Variants in TBCK observed in about 807,000 individuals in gnomAD.
TBCK encodes the protein TBC domain-containing protein kinase-like protein.
TBCK carries 99 observed loss-of-function variants against 113.4 expected under a neutral mutation model. The ratio of observed to expected loss-of-function variants is 0.87; its 90% confidence interval spans 0.74 to 1.03. The LOEUF (loss-of-function observed/expected upper bound fraction) is 1.03, where lower values mean the gene tolerates loss of function less well. Ranked by LOEUF, TBCK falls within the 50% of genes least tolerant of loss-of-function variation. The probability of loss-of-function intolerance (pLI) is 0.00; values close to 1 mark genes in which losing one functional copy is unlikely to be tolerated. For synonymous variants in TBCK, 369 were observed against 370.8 expected, an observed-to-expected ratio of 1.00 and a Z score of 0.05; for missense variants, 1,045 against 1,061.3, an observed-to-expected ratio of 0.98 and a Z score of 0.21.
intron 23 of TBCK, among the ~76,000 whole-genome samples, chr4:106,150,677 C>T (rs1748372457): frequency 6.6e-6 from 1 of 151,998 alleles, no homozygotes; most frequent in Non-Finnish European, 1.5e-5. Context: ...GAACAAGATC[C>T]AATCTCTCCC....
chr4:106,144,116 A>T (rs1052922880), intron 23 of TBCK, among the ~76,000 whole-genome samples: 2 of 152,172 alleles, frequency 1.3e-5, no homozygotes, highest in Non-Finnish European at 2.9e-5. Flanking sequence ...GATTTCAGAC[A>T]ACTATTGACT....
At chr4:106,133,553 T>C (rs1746207975) in intron 23 of TBCK, among the ~76,000 whole-genome samples, 1 of 152,138 alleles carries the variant, frequency 6.6e-6, no homozygotes, top group African/African-American at 2.4e-5. Context: ...ACACAAAAGA[T>C]AACATACACA....
At chr4:106,309,816 C>T (rs1485973322) in intron 1 of TBCK, 1 of 152,156 alleles carries the variant, frequency 6.6e-6, no homozygotes, top group Non-Finnish European at 1.5e-5. Flanking sequence ...AGATATTTTA[C>T]ATAATGTATG....
Position 106,212,814 on chromosome 4 carries a change from T to C in TBCK, c.1796A>G (p.Gln599Arg), listed in dbSNP as rs757565417. The C allele has an allele frequency of 3.7e-6, 6 of 1,612,462 alleles. No individual in the cohort carries two copies. Among genetic ancestry groups the C allele is most frequent in the Middle Eastern group, 1.6e-4 (1 of 6,072 alleles). ...VIQEYLTVFS[Q>R]MIAFHDPELS... is the part of the protein sequence containing the mutation. Reference sequence around the variant, plus strand: ...CTCTGGATCATGAAATGCAATCATCTGAGAGAAGACAGTCAGATACTCTGA... The same window carrying C: ...CTCTGGATCATGAAATGCAATCATCCGAGAGAAGACAGTCAGATACTCTGA... The change falls in exon 20 of 26, where the codon CAG becomes CGG. Residue 599 changes from glutamine (Q) to arginine (R), a missense_variant. Transcript: ENST00000394708.
At chr4:106,278,820 A>G (rs12645255) in intron 3 of TBCK, among the ~76,000 whole-genome samples, 20,671 of 151,922 alleles carry the variant, frequency 0.14, 1,660 homozygotes, top group South Asian at 0.25. Context: ...ATCAACTCAT[A>G]AAACACTATA....
At chr4:106,192,378 A>G (rs551486033) in intron 22 of TBCK, among the ~76,000 whole-genome samples, 1 of 151,978 alleles carries the variant, frequency 6.6e-6, no homozygotes, top group East Asian at 1.9e-4. Flanking sequence ...AAATGACAAG[A>G]AATCATCTGC....
intron 20 of TBCK, among the ~76,000 whole-genome samples, chr4:106,204,740 G>C (rs1249143986): frequency 2.8e-5 from 4 of 141,416 alleles, no homozygotes; most frequent in African/African-American, 5.1e-5. Flanking sequence ...AAGAATGACA[G>C]ACAAACAATG....
chr4:106,084,339 A>G (rs1739251259), intron 25 of TBCK, among the ~76,000 whole-genome samples: 1 of 152,144 alleles, frequency 6.6e-6, no homozygotes, highest in Non-Finnish European at 1.5e-5. Context: ...AGGATATTGG[A>G]GTTTGAAGAC....
At chr4:106,279,942 T>C (rs1764415561) in intron 3 of TBCK, among the ~76,000 whole-genome samples, 1 of 152,316 alleles carries the variant, frequency 6.6e-6, no homozygotes, top group Admixed American at 6.5e-5. Flanking sequence ...CTTTTGGGTA[T>C]ATACCTAGCA....
chr4:106,169,353 C>A lies in TBCK; in HGVS notation c.2235+1742G>T, dbSNP rs531438616. Among the ~76,000 whole-genome samples the A allele has an allele frequency of 2.6e-5, 4 of 152,018 alleles. 1 individual carries two copies. Among genetic ancestry groups the A allele is most frequent in the African/African-American group, 9.6e-5 (4 of 41,486 alleles). ...TATTGGCAAAAGAACAGACAAACAT[C>A]AATGAAAAAGAATAGAGAGTTCAGA... On this transcript the variant is annotated intron_variant, in intron 23 of 25. Coordinates refer to ENST00000394708, the MANE Select transcript of TBCK (RefSeq NM_001163435.3).
At chr4:106,225,188 T>A (rs1259372441) in intron 19 of TBCK, among the ~76,000 whole-genome samples, 1 of 152,188 alleles carries the variant, frequency 6.6e-6, no homozygotes, top group Non-Finnish European at 1.5e-5. Context: ...ATGGTCAATA[T>A]AAAATTTGGA....
chr4:106,123,641 A>C (rs936869322), intron 23 of TBCK, among the ~76,000 whole-genome samples: 17 of 152,272 alleles, frequency 1.1e-4, no homozygotes, highest in African/African-American at 3.4e-4. Context: ...GGCTACAGTA[A>C]CCAAAAGAGA....
At chr4:106,134,810 T>C (rs1746371664) in intron 23 of TBCK, among the ~76,000 whole-genome samples, 1 of 152,098 alleles carries the variant, frequency 6.6e-6, no homozygotes, top group African/African-American at 2.4e-5. Context: ...AGGTGAGAAG[T>C]AGGGAGAGAG....
chr4:106,249,798 T>TACTTTCCTGTACATATTCTTATTTG (rs1761225834), intron 7 of TBCK, among the ~76,000 whole-genome samples: 1 of 152,150 alleles, frequency 6.6e-6, no homozygotes, highest in Non-Finnish European at 1.5e-5. Flanking sequence ...TGTTTACTAA[T>TACTTTCCTGTACATATTCTTATTTG]ACTTTCCTGT....
intron 25 of TBCK, among the ~76,000 whole-genome samples, chr4:106,087,615 T>C (rs1435206477): frequency 6.6e-6 from 1 of 152,102 alleles, no homozygotes; most frequent in Non-Finnish European, 1.5e-5. Flanking sequence ...GAAGACCCCA[T>C]ATAGGCAAGA....
At chr4:106,053,522 A>G (rs183694044) in intron 25 of TBCK, among the ~76,000 whole-genome samples, 84 of 151,662 alleles carry the variant, frequency 5.5e-4, no homozygotes, top group Admixed American at 1.5e-3. Flanking sequence ...GATTTATCTT[A>G]TCTTTTTGAC....
chr4:106,261,534 C>T (rs1762506244), intron 4 of TBCK, among the ~76,000 whole-genome samples: 1 of 152,020 alleles, frequency 6.6e-6, no homozygotes, highest in Admixed American at 6.6e-5. Flanking sequence ...TACAATTATT[C>T]CTGAAAATAT....
intron 23 of TBCK, chr4:106,163,313 C>T (rs1189743460): frequency 6.6e-6 from 1 of 152,384 alleles, no homozygotes; most frequent in Admixed American, 6.6e-5. Flanking sequence ...TGCCTGTCTT[C>T]TGAGTATTCC....
At chr4:106,077,981 C>G (rs541855407) in intron 25 of TBCK, among the ~76,000 whole-genome samples, 3 of 152,128 alleles carry the variant, frequency 2.0e-5, no homozygotes, top group Admixed American at 6.5e-5. Context: ...GTAAAAACAG[C>G]AATCAATACT....
Sources: allele counts gnomAD v4.1 joint callset (sites outside exome capture counted in the v4.1 genomes callset), GRCh38; gene constraint gnomAD v4.1.1; transcripts MANE v1.5; gene names NCBI Gene and HGNC (gene_info 2026-07-23, HGNC 2026-07-21).